Variants in GABBR2 observed in about 807,000 individuals in gnomAD.
GABBR2 encodes G-protein coupled receptor 51.
In GABBR2, 23 loss-of-function variants were observed where a neutral mutation model predicts 105.6. The observed-to-expected ratio is 0.22, with a 90% CI of 0.16 to 0.31. The LOEUF is 0.31. GABBR2 is among the 10% of genes least tolerant of loss of function. The pLI, the probability that GABBR2 is intolerant of heterozygous loss-of-function variation, is 1.00. For missense variants in GABBR2, 734 were observed against 1,245.5 expected (o/e 0.59, Z 6.18); for synonymous variants, 478 against 499.7 (o/e 0.96, Z 0.58).
chr9:98,428,605 T>G (rs1293127018), intron 7 of GABBR2, among the ~76,000 whole-genome samples: 1 of 152,210 alleles, frequency 6.6e-6, no homozygotes. Flanking sequence ...AAGATGGCTC[T>G]ATGCAGGGAT....
At chr9:98,702,692 T>C (rs575532632) in intron 1 of GABBR2, among the ~76,000 whole-genome samples, 1 of 152,314 alleles carries the variant, frequency 6.6e-6, no homozygotes, top group South Asian at 2.1e-4. Context: ...CCAATGTCCA[T>C]TTCCCAGAGC....
chr9:98,510,144 C>G (rs1454730095), intron 3 of GABBR2, among the ~76,000 whole-genome samples: 1 of 152,166 alleles, frequency 6.6e-6, no homozygotes, highest in Non-Finnish European at 1.5e-5. Context: ...GAATTTTCAA[C>G]CCAGAATTTC....
chr9:98,375,824 T>C (rs780121660), intron 11 of GABBR2, among the ~76,000 whole-genome samples: 6 of 152,122 alleles, frequency 3.9e-5, no homozygotes, highest in Non-Finnish European at 7.4e-5. Context: ...ACATCCCAGG[T>C]GCCTCCCTTC....
chr9:98,505,836 C>G (rs1827499282), intron 3 of GABBR2, among the ~76,000 whole-genome samples: 1 of 152,160 alleles, frequency 6.6e-6, no homozygotes, highest in South Asian at 2.1e-4. Context: ...CCTGCTGACA[C>G]CTTCATTTAG....
intron 1 of GABBR2, among the ~76,000 whole-genome samples, chr9:98,674,954 A>T (rs1053302181): frequency 6.6e-6 from 1 of 152,132 alleles, no homozygotes. Flanking sequence ...CCCAAGGACT[A>T]GTTTGGAAGG....
intron 2 of GABBR2, among the ~76,000 whole-genome samples, chr9:98,564,048 G>A (rs117259538): frequency 0.017 from 2,537 of 151,862 alleles, 20 homozygotes; most frequent in Non-Finnish European, 0.027. Flanking sequence ...ACAAGTTACT[G>A]AATGAGTAAT....
intron 6 of GABBR2, among the ~76,000 whole-genome samples, chr9:98,468,403 G>C (rs1168965528): frequency 6.6e-6 from 1 of 152,094 alleles, no homozygotes; most frequent in African/African-American, 2.4e-5. Flanking sequence ...AGAGGACAGG[G>C]GTTTGACAAA....
intron 7 of GABBR2, among the ~76,000 whole-genome samples, chr9:98,429,860 A>G (rs977156617): frequency 6.6e-6 from 1 of 152,168 alleles, no homozygotes; most frequent in Non-Finnish European, 1.5e-5. Context: ...CATTGTCTCC[A>G]ACTTCCCTCC....
intron 2 of GABBR2, among the ~76,000 whole-genome samples, chr9:98,553,792 C>T (rs1004717580): frequency 6.6e-6 from 1 of 152,186 alleles, no homozygotes; most frequent in Non-Finnish European, 1.5e-5. Context: ...GACTGAGCCT[C>T]GGAGAGGATA....
At chr9:98,657,149 A>G (rs569982127) in intron 1 of GABBR2, among the ~76,000 whole-genome samples, 1 of 152,352 alleles carries the variant, frequency 6.6e-6, no homozygotes, top group East Asian at 1.9e-4. Flanking sequence ...TTGCCCCTGC[A>G]GAGGGGGAGG....
chr9:98,436,763 G>A (rs982287591), intron 7 of GABBR2, among the ~76,000 whole-genome samples: 3 of 151,980 alleles, frequency 2.0e-5, no homozygotes, highest in Non-Finnish European at 2.9e-5. Context: ...CAACTGGAAC[G>A]TTTCTCAAAA....
intron 1 of GABBR2, among the ~76,000 whole-genome samples, chr9:98,702,553 C>T (rs1830844526): frequency 6.6e-6 from 1 of 152,188 alleles, no homozygotes. Flanking sequence ...AAAGTCCCAC[C>T]TTCCGGACAC....
chr9:98,604,730 A>G (rs538886719), intron 1 of GABBR2, among the ~76,000 whole-genome samples: 2 of 152,316 alleles, frequency 1.3e-5, no homozygotes, highest in South Asian at 2.1e-4. Context: ...GGTTACAAAG[A>G]TATGTCACAC....
chr9:98,629,861 C>T (rs1829793790), intron 1 of GABBR2, among the ~76,000 whole-genome samples: 1 of 151,876 alleles, frequency 6.6e-6, no homozygotes, highest in Admixed American at 6.6e-5. Context: ...CTTTCTGAGC[C>T]CCTTCCCTCC....
chr9:98,412,811 G>T (rs901359018), intron 7 of GABBR2, among the ~76,000 whole-genome samples: 1 of 152,234 alleles, frequency 6.6e-6, no homozygotes. Flanking sequence ...AGAGAGCCCT[G>T]CGCTTCCAGA....
intron 2 of GABBR2, among the ~76,000 whole-genome samples, chr9:98,571,656 T>C (rs986919492): frequency 9.2e-5 from 14 of 152,170 alleles, no homozygotes; most frequent in African/African-American, 1.9e-4. Flanking sequence ...TCTTCCCATA[T>C]AGTTGGAGAG....
At chr9:98,475,354 A>G (rs1043503314) in intron 5 of GABBR2, among the ~76,000 whole-genome samples, 2 of 151,770 alleles carry the variant, frequency 1.3e-5, no homozygotes, top group Non-Finnish European at 2.9e-5. Flanking sequence ...TTTAAAAAAA[A>G]AAAAGAAAAG....
chr9:98,436,345 CACCATATATATATAT>C (rs1825912064), intron 7 of GABBR2, among the ~76,000 whole-genome samples: 6 of 44,924 alleles, frequency 1.3e-4, no homozygotes, highest in African/African-American at 5.4e-4. Flanking sequence ...CACACACACA[CACCATATATATATAT>C]ATATATATAT....
intron 2 of GABBR2, among the ~76,000 whole-genome samples, chr9:98,573,101 G>A (rs1370286597): frequency 6.6e-6 from 1 of 152,082 alleles, no homozygotes; most frequent in Non-Finnish European, 1.5e-5. Context: ...AGGCCCCTCC[G>A]TCCACCTATC....
Sources: allele counts gnomAD v4.1 joint callset (sites outside exome capture counted in the v4.1 genomes callset), GRCh38; gene constraint gnomAD v4.1.1; transcripts MANE v1.5; gene names NCBI Gene and HGNC (gene_info 2026-07-23, HGNC 2026-07-21).